SPDL1: variants seen among roughly 807,000 people sequenced by gnomAD.
The protein encoded by SPDL1 is spindle apparatus coiled-coil protein 1.
A neutral mutation model predicts 79.5 loss-of-function variants in SPDL1; 85 were observed. The ratio of observed to expected loss-of-function variants is 1.07; its 90% confidence interval spans 0.90 to 1.28. SPDL1 has a LOEUF of 1.28. SPDL1 is among the 50% of genes most tolerant of loss of function. SPDL1 has a pLI of 0.00. For synonymous variants in SPDL1, 269 were observed against 240.3 expected (o/e 1.12, Z -1.10); for missense variants, 703 against 697.8 (o/e 1.01, Z -0.08).
In SPDL1 at chr5:169,601,518, C is replaced by G; in HGVS notation, c.1563C>G (p.Pro521=). 6.2e-7 allele frequency: 1 copy of G among 1,614,096 alleles called. No individual in the cohort carries two copies. Among genetic ancestry groups the G allele is most frequent in the Non-Finnish European group, 8.5e-7 (1 of 1,180,010 alleles). The change falls in exon 11 of 12, where the codon CCC becomes CCG. Residue 521 remains proline, a synonymous_variant. Coordinates refer to ENST00000265295, the MANE Select transcript of SPDL1 (RefSeq NM_017785.5). ...GTCTCTCTCCTCACAAAAATCTGCC[C>G]GTGGATATGCAGCTGAAGAAGGAAA... is the stretch of plus-strand genomic sequence containing the variant. ...VVSLSPHKNL[P]VDMQLKKEKK... is the part of the protein sequence containing the mutation.
Position 169,599,043 on chromosome 5 carries a change from C to G in SPDL1, c.1208C>G (p.Ala403Gly). ...AAAGCATTATTTGAGAGCCAGCGGG[C>G]TCTAGATATTGAGCGAAAACTTTTT... The part of the protein sequence containing the change: ...RMKALFESQR[A>G]LDIERKLFAN... Residue 403 changes from alanine to glycine, a missense_variant, in exon 10 of 12, where the codon GCT becomes GGT. Coordinates refer to ENST00000265295, the MANE Select transcript of SPDL1 (RefSeq NM_017785.5). 1.2e-6 allele frequency: 2 copies of G among 1,600,164 alleles called. No individual in the cohort carries two copies. The highest frequency in any genetic ancestry group is 2.2e-5 in the East Asian group (1 of 44,510).
Position 169,588,434 on chromosome 5 carries a change from C to A in SPDL1, c.18C>A (p.Ile6=). 6.2e-7 allele frequency: 1 copy of A among 1,609,998 alleles called. No homozygotes were observed. The highest frequency in any genetic ancestry group is 1.1e-5 in the South Asian group (1 of 90,082). The change falls in exon 2 of 12, where the codon ATC becomes ATA. Residue 6 remains isoleucine, a synonymous_variant. Coordinates refer to ENST00000265295, the MANE Select transcript of SPDL1 (RefSeq NM_017785.5). MEADI[I]TNLRCRLKEA... is the part of the protein sequence containing the mutation. ...AAAAGAACATGGAGGCAGATATAAT[C>A]ACAAATCTTCGATGCAGGCTCAAAG... is the stretch of plus-strand genomic sequence containing the variant.
At chr5:169,584,664 G>A (rs931557609) in intron 1 of SPDL1, among the ~76,000 whole-genome samples, 1 of 152,180 alleles carries the variant, frequency 6.6e-6, no homozygotes, top group Non-Finnish European at 1.5e-5. Context: ...TTTTTGAGAA[G>A]CAGGACAGGA....
chr5:169,596,066 G>A (rs1755564314), intron 7 of SPDL1: 1 of 152,340 alleles, frequency 6.6e-6, no homozygotes, highest in African/African-American at 2.4e-5. Context: ...ATTAAAACAT[G>A]GTATATTGAA....
intron 3 of SPDL1, among the ~76,000 whole-genome samples, 196 bp from the exon 4 acceptor site, chr5:169,593,158 C>G (rs1755387734): frequency 6.6e-6 from 1 of 152,082 alleles, no homozygotes; most frequent in South Asian, 2.1e-4. Flanking sequence ...CCAGACCCAC[C>G]CCGATTACTC....
intron 2 of SPDL1, among the ~76,000 whole-genome samples, chr5:169,589,203 A>G (rs1755143169): frequency 6.6e-6 from 1 of 152,152 alleles, no homozygotes. Flanking sequence ...GAACTAGACT[A>G]CAAAGCATGT....
chr5:169,591,348 T>C, intron 3 of SPDL1, 124 bp downstream of exon 3: 1 of 887,422 alleles, frequency 1.1e-6, no homozygotes, highest in Non-Finnish European at 1.7e-6. Flanking sequence ...AAGTCTTCAT[T>C]ATCTTAATAT....
At position 169,593,373 on chromosome 5, in the gene SPDL1, A is replaced by G. The variant is rs779929376; in HGVS notation, c.356A>G (p.Glu119Gly). ...CTTTAGATAGAAAAACTGAAAGTGG[A>G]ATTAGATGAAGCCAGGCTTAGTGAA... ...LKTKIEKLKV[E>G]LDEARLSEKQ... The change falls in exon 4 of 12, where the codon GAA becomes GGA. Residue 119 changes from glutamate to glycine, a missense_variant. Glu to Gly is a moderately conservative substitution (Grantham distance 98). Transcript: ENST00000265295. 1.9e-6 allele frequency: 3 copies of G among 1,591,132 alleles called. No individual in the cohort carries two copies. The South Asian group carries it at 3.5e-5, about 19-fold the overall frequency.
At position 169,601,417 on chromosome 5, in the gene SPDL1, C is replaced by G; in HGVS notation, c.1462C>G (p.Gln488Glu). The G allele has an allele frequency of 3.1e-6, 5 of 1,614,140 alleles. No homozygotes were observed. The highest frequency in any genetic ancestry group is 2.5e-6 in the Non-Finnish European group (3 of 1,180,008). The change falls in exon 11 of 12, where the codon CAG (glutamine) becomes GAG (glutamate). Residue 488 changes from glutamine to glutamate, a missense_variant. Physicochemically the swap from Gln to Glu is conservative, Grantham distance 29. Transcript: ENST00000265295. ...ATTACCGCCTCAGAAAGAGGAGACA[C>G]AGTCCTGCCCTAACAGTTTAGAAGA... ...YRLPPQKEETQSCPNSLEDNN... is the reference protein window; with the variant it reads ...YRLPPQKEETESCPNSLEDNN...
chr5:169,593,588 T>G (rs1180705365), intron 4 of SPDL1, 40 bp downstream of exon 4: 1 of 1,513,836 alleles, frequency 6.6e-7, no homozygotes, highest in Admixed American at 2.3e-5. Flanking sequence ...TTTTCTCTTT[T>G]TTTTTCTGGC....
chr5:169,594,026 C>T (rs1344472729), intron 4 of SPDL1, 119 bp from the exon 5 acceptor site: 7 of 784,772 alleles, frequency 8.9e-6, no homozygotes, highest in Non-Finnish European at 1.4e-5. Flanking sequence ...TACCTGACAA[C>T]TTTTGACTGG....
chr5:169,589,740 C>T (rs1457372137), intron 2 of SPDL1, among the ~76,000 whole-genome samples: 2 of 149,934 alleles, frequency 1.3e-5, no homozygotes, highest in African/African-American at 4.9e-5. Flanking sequence ...CTCACTCTGT[C>T]GCCCAGGCTG....
In SPDL1 at chr5:169,594,376, G is replaced by A; in HGVS notation, c.682-18G>A. 6.2e-7 allele frequency: 1 copy of A among 1,613,054 alleles called. No individual in the cohort carries two copies. Among genetic ancestry groups the A allele is most frequent in the Non-Finnish European group, 8.5e-7 (1 of 1,179,248 alleles). On this transcript the variant is annotated intron_variant, in intron 5 of 11. Coordinates refer to ENST00000265295, the MANE Select transcript of SPDL1 (RefSeq NM_017785.5). ...TAATGTAATCTCTGTTGCCTAAATT[G>A]TTTTCTTTTGAATTTAGAAAGCTCG... is the stretch of plus-strand genomic sequence containing the variant.
At chr5:169,590,817 C>T in intron 2 of SPDL1, 1 of 560,510 alleles carries the variant, frequency 1.8e-6, no homozygotes, top group Non-Finnish European at 3.4e-6. Flanking sequence ...TGACAAGGCA[C>T]AGAAGCAGTA....
At position 169,588,459 on chromosome 5, in the gene SPDL1, G is replaced by C. The variant is rs1372874163; in HGVS notation, c.43G>C (p.Glu15Gln). The change falls in exon 2 of 12, where the codon GAG becomes CAG. Residue 15 changes from glutamate (E) to glutamine (Q), a missense_variant. Transcript: ENST00000265295. ...CACAAATCTTCGATGCAGGCTCAAA[G>C]AGGCTGAAGAAGAGCGACTAAAAGC... ...IITNLRCRLK[E>Q]AEEERLKAAQ... 1 of 1,613,422 alleles carries C rather than the reference G, an allele frequency of 6.2e-7. No individual in the cohort carries two copies. The highest frequency in any genetic ancestry group is 8.5e-7 in the Non-Finnish European group (1 of 1,179,742).
chr5:169,584,400 A>G (rs376348749), intron 1 of SPDL1, among the ~76,000 whole-genome samples: 33 of 152,320 alleles, frequency 2.2e-4, no homozygotes, highest in African/African-American at 7.9e-4. Context: ...GACTCGCGTT[A>G]TATTTCTGCT....
intron 11 of SPDL1, 111 bp downstream of exon 11, chr5:169,601,736 G>A (rs545861000): frequency 5.9e-6 from 6 of 1,012,458 alleles, no homozygotes; most frequent in South Asian, 1.4e-5. Flanking sequence ...ATTGCATGCA[G>A]TATAATTCCT....
rs756440622 is a variant in SPDL1, at chr5:169,594,403, G to T, written c.691G>T (p.Val231Leu). The T allele has an allele frequency of 3.7e-6, 6 of 1,614,052 alleles. No homozygotes were observed. The highest frequency in any genetic ancestry group is 4.2e-6 in the Non-Finnish European group (5 of 1,179,934). ...TTTCTTTTGAATTTAGAAAGCTCGT[G>T]TAGCAAATCAAGATCTTCAGGTACA... The part of the protein sequence containing the change: ...SYYNALEKAR[V>L]ANQDLQVQLD... The change falls in exon 6 of 12, where the codon GTA becomes TTA. Residue 231 changes from valine to leucine, a missense_variant. Val to Leu is a conservative substitution (Grantham distance 32). Coordinates refer to ENST00000265295, the MANE Select transcript of SPDL1 (RefSeq NM_017785.5).
intron 2 of SPDL1, among the ~76,000 whole-genome samples, chr5:169,589,391 C>T (rs1755151781): frequency 6.6e-6 from 1 of 152,118 alleles, no homozygotes; most frequent in Admixed American, 6.5e-5. Flanking sequence ...TGCTAAAAAC[C>T]ATACAACAGC....
Sources: gnomAD v4.1 joint callset for allele counts (sites outside exome capture counted in the v4.1 genomes callset) on GRCh38, gnomAD v4.1.1 for gene constraint, MANE v1.5 for transcripts, NCBI Gene and HGNC (gene_info 2026-07-23, HGNC 2026-07-21) for gene names.